Variants in DAW1 observed in about 807,000 individuals in gnomAD.
DAW1 encodes dynein assembly factor with WD repeat domains 1.
DAW1 carries 47 observed loss-of-function variants against 56.5 expected under a neutral mutation model. The ratio of observed to expected loss-of-function variants is 0.83; its 90% CI spans 0.66 to 1.06. DAW1 has a LOEUF of 1.06. Ranked by LOEUF, DAW1 falls within the 50% of genes least tolerant of loss-of-function variation. The pLI is 0.00. For missense variants in DAW1, 505 were observed against 499.3 expected, an observed-to-expected ratio of 1.01 and a Z score of -0.11; for synonymous variants, 190 against 179.0, an observed-to-expected ratio of 1.06 and a Z score of -0.49.
Position 227,889,889 on chromosome 2 carries a change from GA to G in DAW1, c.149del (p.Lys50ArgfsTer17), listed in dbSNP as rs764494293. 6.2e-7 allele frequency: 1 copy of G among 1,605,448 alleles called. No homozygotes were observed. The highest frequency in any genetic ancestry group is 8.5e-7 in the Non-Finnish European group (1 of 1,177,372). ...TCAGTGCGTTAGTAGAAGAAATCCA[GA>G]AGGCAGAACCTCTACTCACAGCTTC... ...DVSALVEEIQ[K>X]AEPLLTASRT... On this transcript the variant is annotated frameshift_variant, in exon 3 of 13. Transcript: ENST00000309931. LOFTEE classifies it high-confidence loss of function.
chr2:227,905,005 C>A lies in DAW1; in HGVS notation c.725C>A (p.Thr242Asn). 1.2e-6 allele frequency: 2 copies of A among 1,613,534 alleles called. No individual in the cohort carries two copies. Among genetic ancestry groups the A allele is most frequent in the Non-Finnish European group, 1.7e-6 (2 of 1,179,662 alleles). ...ATCATCACGGGGTCTTTTGATCATA[C>A]CGTTGTAGTGTGGGACGCTGATACT... The part of the protein sequence containing the change: ...DRIITGSFDH[T>N]VVVWDADTGR... Residue 242 changes from threonine (T) to asparagine (N), a missense_variant, in exon 8 of 13, where the codon ACC becomes AAC. By Grantham distance (65) the Thr-to-Asn change is moderately conservative. Transcript: ENST00000309931.
intron 11 of DAW1, among the ~76,000 whole-genome samples, chr2:227,919,699 A>G (rs1280435339): frequency 6.6e-6 from 1 of 152,192 alleles, no homozygotes; most frequent in Admixed American, 6.5e-5. Context: ...GAGCAGGCCC[A>G]CCCAGTCAGT....
intron 10 of DAW1, chr2:227,912,221 C>T (rs778254835): frequency 7.2e-6 from 3 of 418,058 alleles, no homozygotes; most frequent in South Asian, 3.8e-5. Context: ...ATATCTATGT[C>T]ACCTTCTTTC....
At chr2:227,918,888 T>G (rs1367858816) in intron 11 of DAW1, 32 bp downstream of exon 11, 1 of 1,610,874 alleles carries the variant, frequency 6.2e-7, no homozygotes, top group East Asian at 2.2e-5. Flanking sequence ...AGGAGTTTAT[T>G]TACTTTCAAA....
intron 12 of DAW1, among the ~76,000 whole-genome samples, chr2:227,923,667 A>G (rs1238441489): frequency 1.3e-5 from 2 of 152,014 alleles, no homozygotes; most frequent in Non-Finnish European, 1.5e-5. Flanking sequence ...GTTCTCTCCC[A>G]TTCTGAGAAG....
At position 227,924,248 on chromosome 2, in the gene DAW1, T is replaced by A; in HGVS notation, c.*280T>A. ...TTGTTTTTTAAAAGCATTATGATAC[T>A]GAAAAAGGAGACCAGAACAACTTAA... On this transcript the variant is annotated 3_prime_UTR_variant, in exon 13 of 13. Coordinates refer to ENST00000309931, the MANE Select transcript of DAW1 (RefSeq NM_178821.3). The A allele has an allele frequency of 2.3e-6, 1 of 431,808 alleles. No homozygotes were observed. The highest frequency in any genetic ancestry group is 4.2e-6 in the Non-Finnish European group (1 of 240,268). The allele number at this position is 431,808 out of a possible 1,614,324, so 26.7% of individuals were successfully genotyped here.
At chr2:227,900,498 T>C (rs1490386578) in intron 6 of DAW1, among the ~76,000 whole-genome samples, 2 of 152,096 alleles carry the variant, frequency 1.3e-5, no homozygotes, top group Non-Finnish European at 2.9e-5. Context: ...TTCAAAGATG[T>C]GTTGTAAGTG....
chr2:227,893,593 A>G (rs1466023258), intron 4 of DAW1, among the ~76,000 whole-genome samples: 1 of 151,600 alleles, frequency 6.6e-6, no homozygotes. Flanking sequence ...AATTGCTTGA[A>G]CCTGTGAGGT....
At chr2:227,901,898 A>G (rs982798431) in intron 6 of DAW1, among the ~76,000 whole-genome samples, 3 of 152,190 alleles carry the variant, frequency 2.0e-5, no homozygotes, top group Non-Finnish European at 4.4e-5. Flanking sequence ...TAGTGGGTGC[A>G]TCTCCCCTAG....
intron 10 of DAW1, among the ~76,000 whole-genome samples, chr2:227,907,681 G>A (rs1352514103): frequency 3.3e-5 from 5 of 152,120 alleles, no homozygotes; most frequent in Non-Finnish European, 7.4e-5. Flanking sequence ...CCGAGTAGCT[G>A]GGAATACAGG....
At chr2:227,905,405 A>G (rs1296416541) in intron 8 of DAW1, among the ~76,000 whole-genome samples, 2 of 152,222 alleles carry the variant, frequency 1.3e-5, no homozygotes, top group Non-Finnish European at 2.9e-5. Context: ...TAGTCCAAGA[A>G]CTTCAATTTC....
chr2:227,910,650 T>G (rs1691793470), intron 10 of DAW1, among the ~76,000 whole-genome samples: 1 of 152,158 alleles, frequency 6.6e-6, no homozygotes, highest in African/African-American at 2.4e-5. Flanking sequence ...ATATGTTACT[T>G]TATACTATTT....
intron 10 of DAW1, among the ~76,000 whole-genome samples, chr2:227,908,721 C>G (rs979855099): frequency 6.6e-6 from 1 of 152,206 alleles, no homozygotes; most frequent in African/African-American, 2.4e-5. Flanking sequence ...ACACCATATC[C>G]TTGATAACCA....
At chr2:227,891,588 A>C (rs1383772963) in intron 4 of DAW1, among the ~76,000 whole-genome samples, 8 of 152,138 alleles carry the variant, frequency 5.3e-5, no homozygotes, top group African/African-American at 1.9e-4. Flanking sequence ...GGGTGGCCTC[A>C]TATCTAACTT....
At chr2:227,895,735 C>G (rs537811207) in intron 5 of DAW1, 1 of 152,316 alleles carries the variant, frequency 6.6e-6, no homozygotes, top group African/African-American at 2.4e-5. Flanking sequence ...AGTTTAAACT[C>G]TGTCCTGTGG....
chr2:227,877,930 G>A (rs908504247), intron 1 of DAW1, among the ~76,000 whole-genome samples: 3 of 152,242 alleles, frequency 2.0e-5, no homozygotes, highest in African/African-American at 7.2e-5. Flanking sequence ...GCAGTCAAAC[G>A]TACATGTTTC....
intron 1 of DAW1, among the ~76,000 whole-genome samples, chr2:227,879,728 T>C (rs1360415536): frequency 1.3e-5 from 2 of 152,074 alleles, no homozygotes; most frequent in Non-Finnish European, 2.9e-5. Flanking sequence ...AAATCTATTT[T>C]ATTAACTTTT....
Position 227,924,278 on chromosome 2 carries a change from G to C in DAW1, c.*310G>C. On this transcript the variant is annotated 3_prime_UTR_variant, in exon 13 of 13. Transcript: ENST00000309931. ...AAGGAGACCAGAACAACTTAACAAC[G>C]TGTCTCCTGGATTTTACTTTGAAGC... 1 of 345,324 alleles carries C rather than the reference G, an allele frequency of 2.9e-6. No homozygotes were observed. The highest frequency in any genetic ancestry group is 5.3e-6 in the Non-Finnish European group (1 of 189,000). 21.4% of individuals were successfully genotyped at this position (345,324 alleles called of 1,614,324 possible).
chr2:227,890,345 AT>A (rs1156729550), intron 3 of DAW1, among the ~76,000 whole-genome samples: 1 of 152,182 alleles, frequency 6.6e-6, no homozygotes, highest in East Asian at 1.9e-4. Context: ...ACAAATCAAC[AT>A]TTCGTATTTT....
Sources: allele counts gnomAD v4.1 joint callset (sites outside exome capture counted in the v4.1 genomes callset), GRCh38; gene constraint gnomAD v4.1.1; transcripts MANE v1.5; gene names NCBI Gene and HGNC (gene_info 2026-07-23, HGNC 2026-07-21).